Variants in ANAPC2 observed in about 807,000 individuals in gnomAD.
ANAPC2 encodes anaphase promoting complex subunit 2.
Under a neutral mutation model 84.3 loss-of-function variants are expected in ANAPC2, and 29 were observed. The ratio of observed to expected loss-of-function variants is 0.34; its 90% CI spans 0.26 to 0.47. The LOEUF is 0.47. Ranked by LOEUF, ANAPC2 falls within the 20% of genes least tolerant of loss-of-function variation. The probability of loss-of-function intolerance (pLI) is 1.00; values close to 1 mark genes in which losing one functional copy is unlikely to be tolerated. For missense variants in ANAPC2, 857 were observed against 1,131.7 expected (o/e 0.76, Z 3.48); for synonymous variants, 571 against 479.4 (o/e 1.19, Z -2.50).
chr9:137,185,136 G>A (rs779639083), intron 3 of ANAPC2, 49 bp from the exon 4 acceptor site: 157 of 1,456,840 alleles, frequency 1.1e-4, no homozygotes, highest in Non-Finnish European at 1.3e-4. Flanking sequence ...GGTGAGCCCC[G>A]GGCTGACTCA....
intron 10 of ANAPC2, among the ~76,000 whole-genome samples, chr9:137,179,040 A>G (rs901234236): frequency 6.6e-6 from 1 of 152,194 alleles, no homozygotes; most frequent in Admixed American, 6.5e-5. Context: ...GCAGACCTGG[A>G]GAAGCTGTGG....
At chr9:137,178,237 G>T (rs1013953026) in intron 10 of ANAPC2, among the ~76,000 whole-genome samples, 1 of 152,216 alleles carries the variant, frequency 6.6e-6, no homozygotes, top group Non-Finnish European at 1.5e-5. Flanking sequence ...TCAGCCTGCC[G>T]CAGGACACAT....
chr9:137,185,903 G>T (rs1327608447), intron 3 of ANAPC2, among the ~76,000 whole-genome samples: 1 of 152,212 alleles, frequency 6.6e-6, no homozygotes, highest in Non-Finnish European at 1.5e-5. Flanking sequence ...AACAGGAGAA[G>T]GGGATCCATT....
intron 10 of ANAPC2, 124 bp from the exon 11 acceptor site, chr9:137,175,961 G>T: frequency 7.9e-7 from 1 of 1,270,808 alleles, no homozygotes; most frequent in African/African-American, 1.5e-5. Context: ...ACCCTGGCAG[G>T]CAGGTGAGCA....
intron 11 of ANAPC2, 109 bp downstream of exon 11, chr9:137,175,599 C>T (rs1834191066): frequency 1.3e-6 from 2 of 1,494,120 alleles, no homozygotes; most frequent in Admixed American, 2.1e-5. Context: ...GGGAAGGGTG[C>T]CGCCTGCTGG....
rs1332281676 is a variant in ANAPC2, at chr9:137,187,349, T to C, written c.740+132A>G. The C allele has an allele frequency of 3.3e-6, 4 of 1,207,934 alleles. No homozygotes were observed. The African/African-American group carries it at 4.6e-5, about 14-fold the overall frequency. The allele number at this position is 1,207,934 out of a possible 1,614,324, so 74.8% of individuals were successfully genotyped here. On this transcript the variant is annotated intron_variant, in intron 2 of 12. Transcript: ENST00000323927. ...CCAGGACACGCTGCACAGGAATCCC[T>C]GGGACTCTCTCTCTGTCATGTTCCT...
At chr9:137,181,060 C>T in intron 7 of ANAPC2, 131 bp from the exon 8 acceptor site, 2 of 1,200,356 alleles carry the variant, frequency 1.7e-6, no homozygotes, top group Non-Finnish European at 2.3e-6. Context: ...AGGCTGGGAG[C>T]AGCCCTGAGC....
In ANAPC2 at chr9:137,187,777, C is replaced by T; in HGVS notation, c.444G>A (p.Gly148=). The part of the protein sequence containing the change: ...LGLLMGTGAQ[G]LREEVHTMLR... The stretch of plus-strand genomic sequence containing the variant: ...ACATAGTGTGGACTTCTTCTCGCAG[C>T]CCCTGAGCACCAGTGCCCATCAGCA... Residue 148 remains glycine (G), a synonymous_variant, in exon 2 of 13, where the codon GGG becomes GGA. Transcript: ENST00000323927. 1.2e-6 allele frequency: 2 copies of T among 1,613,704 alleles called. No homozygotes were observed. Among genetic ancestry groups the T allele is most frequent in the Non-Finnish European group, 8.5e-7 (1 of 1,180,040 alleles).
At position 137,174,847 on chromosome 9, in the gene ANAPC2, G is replaced by A. The variant is rs1222486700; in HGVS notation, c.*95C>T. ...GGGGGTGGGCATGCTCCTCAGCAGT[G>A]CATTCTGGGACACGGGCGGGCGGGG... On this transcript the variant is annotated 3_prime_UTR_variant, in exon 13 of 13. Coordinates refer to ENST00000323927, the MANE Select transcript of ANAPC2 (RefSeq NM_013366.4). This position sits in a 1 kb window ranked among gnomAD's most constrained non-coding sequence, Gnocchi z 6.1. The A allele has an allele frequency of 2.1e-6, 3 of 1,441,866 alleles. No individual in the cohort carries two copies. The highest frequency in any genetic ancestry group is 5.0e-5 in the East Asian group (2 of 39,692). 89.3% of individuals were successfully genotyped at this position (1,441,866 alleles called of 1,614,324 possible). A position where few individuals can be genotyped will look rare whatever the true frequency, so the allele number is the denominator to read the frequency against.
chr9:137,176,637 G>A (rs1455415200), intron 10 of ANAPC2: 1 of 152,290 alleles, frequency 6.6e-6, no homozygotes, highest in Non-Finnish European at 1.5e-5. Flanking sequence ...CGCCGTCTTG[G>A]AGAATGCACA....
rs1215906590 is a variant in ANAPC2 at position 137,180,190 on chromosome 9, C to T, written c.1881G>A (p.Glu627=). Residue 627 remains glutamate, a synonymous_variant, in exon 10 of 13, where the codon GAG becomes GAA. Coordinates refer to ENST00000323927, the MANE Select transcript of ANAPC2 (RefSeq NM_013366.4). ...CCTGGCATGGAGGTACCTTGAGCTG[C>T]TCATACTTCTTGCAGTAAGCCTCCA... ...AALEAYCKKY[E]QLKAMRTLSW... 6.2e-7 allele frequency: 1 copy of T among 1,613,468 alleles called. No individual in the cohort carries two copies. The highest frequency in any genetic ancestry group is 8.5e-7 in the Non-Finnish European group (1 of 1,179,968).
intron 2 of ANAPC2, chr9:137,187,031 C>T (rs532887825): frequency 8.3e-5 from 15 of 179,702 alleles, no homozygotes; most frequent in Non-Finnish European, 1.4e-4. Context: ...CACAACAAAC[C>T]CCTCTCCTCT....
chr9:137,183,565 G>A (rs1834386673), intron 5 of ANAPC2, 107 bp downstream of exon 5: 5 of 1,467,522 alleles, frequency 3.4e-6, no homozygotes, highest in Non-Finnish European at 4.5e-6. Flanking sequence ...TTCTTCCTTA[G>A]ACCTACAAGT....
Position 137,185,082 on chromosome 9 carries a change from G to A in ANAPC2, c.879C>T (p.Ile293=), listed in dbSNP as rs112528501. ...RSFLREFHKW[I]ERVVGWLGKV... is the part of the protein sequence containing the mutation. ...TGCCGAGCCAGCCGACCACCCGCTC[G>A]ATCCACTGTCAGGAGAACGCTAGTG... Residue 293 remains isoleucine (I), a synonymous_variant, in exon 4 of 13, where the codon ATC becomes ATT. Transcript: ENST00000323927. 9 of 1,542,104 alleles carry A rather than the reference G, an allele frequency of 5.8e-6. No homozygotes were observed. The highest frequency in any genetic ancestry group is 4.2e-5 in the Admixed American group (2 of 47,868).
At chr9:137,180,071 C>T in intron 10 of ANAPC2, 110 bp downstream of exon 10, 1 of 1,283,862 alleles carries the variant, frequency 7.8e-7, no homozygotes, top group Non-Finnish European at 1.1e-6. Flanking sequence ...AGGACCAACC[C>T]AGAGACACTC....
Position 137,183,226 on chromosome 9 carries a change from G to A in ANAPC2, c.1185C>T (p.Asp395=). Residue 395 remains aspartate, a synonymous_variant, in exon 6 of 13, where the codon GAC becomes GAT. Transcript: ENST00000323927. ...TGGCAGAGATATAGAGGGTGATGAT[G>A]TCACACGTGTTGACGCCTACAGCCA... The part of the protein sequence containing the change: ...RLLHPGVNTC[D]IITLYISAIK... The A allele has an allele frequency of 1.2e-6, 2 of 1,613,038 alleles. No homozygotes were observed. The highest frequency in any genetic ancestry group is 1.7e-6 in the Non-Finnish European group (2 of 1,179,866).
chr9:137,184,799 G>A, intron 4 of ANAPC2, 114 bp downstream of exon 4: 4 of 1,354,812 alleles, frequency 3.0e-6, no homozygotes, highest in South Asian at 2.6e-5. Context: ...CAGACACAGA[G>A]CAGACACGGT....
chr9:137,185,084 T>C lies in ANAPC2; in HGVS notation c.877A>G (p.Ile293Val), dbSNP rs1834434002. Residue 293 changes from isoleucine (I) to valine (V), a missense_variant, in exon 4 of 13, where the codon ATC becomes GTC. Physicochemically the swap from Ile to Val is conservative, Grantham distance 29. Coordinates refer to ENST00000323927, the MANE Select transcript of ANAPC2 (RefSeq NM_013366.4). The stretch of plus-strand genomic sequence containing the variant: ...CCGAGCCAGCCGACCACCCGCTCGA[T>C]CCACTGTCAGGAGAACGCTAGTGTG... Reference protein sequence around the residue: ...RSFLREFHKWIERVVGWLGKV... With the variant: ...RSFLREFHKWVERVVGWLGKV... 6.5e-7 allele frequency: 1 copy of C among 1,541,378 alleles called. No homozygotes were observed. The highest frequency in any genetic ancestry group is 8.7e-7 in the Non-Finnish European group (1 of 1,143,766).
At chr9:137,181,530 G>A (rs2131335926) in intron 7 of ANAPC2, 151 bp downstream of exon 7, 1 of 849,692 alleles carries the variant, frequency 1.2e-6, no homozygotes. Context: ...AGGTGGCGGA[G>A]CACTGCCCTG....
Sources: allele counts gnomAD v4.1 joint callset (sites outside exome capture counted in the v4.1 genomes callset), GRCh38; gene constraint gnomAD v4.1.1; non-coding constraint Gnocchi (gnomAD v3.1); transcripts MANE v1.5; gene names NCBI Gene and HGNC (gene_info 2026-07-23, HGNC 2026-07-21).